Variants in MACROD2 observed in about 807,000 individuals in gnomAD.
The protein encoded by MACROD2 is ADP-ribose glycohydrolase MACROD2.
A neutral mutation model predicts 70.4 loss-of-function variants in MACROD2; 36 were observed. That is an observed-to-expected ratio of 0.51 (90% confidence interval 0.39 to 0.68). The LOEUF (loss-of-function observed/expected upper bound fraction) is 0.68, where lower values mean the gene tolerates loss of function less well. MACROD2 is among the 30% of genes least tolerant of loss of function. The pLI, the probability that MACROD2 is intolerant of heterozygous loss-of-function variation, is 0.00. For synonymous variants in MACROD2, 172 were observed against 178.8 expected (o/e 0.96, Z 0.30); for missense variants, 496 against 538.4 (o/e 0.92, Z 0.78).
chr20:14,496,154 G>A (rs902150368), intron 4 of MACROD2, among the ~76,000 whole-genome samples: 12 of 152,098 alleles, frequency 7.9e-5, no homozygotes, highest in Admixed American at 4.6e-4. Context: ...AATAAGAAGC[G>A]ATTGAATTGA....
At chr20:15,521,565 A>G (rs1323520210) in intron 8 of MACROD2, among the ~76,000 whole-genome samples, 4 of 152,242 alleles carry the variant, frequency 2.6e-5, no homozygotes, top group African/African-American at 9.6e-5. Flanking sequence ...GTGGATATTC[A>G]TAAACTGCCT....
intron 5 of MACROD2, among the ~76,000 whole-genome samples, chr20:15,160,036 T>A (rs936793441): frequency 6.6e-6 from 1 of 151,920 alleles, no homozygotes; most frequent in African/African-American, 2.4e-5. Context: ...CAGGTGCAGG[T>A]AAGAGTTATG....
At chr20:14,422,516 A>AT (rs373848071) in intron 3 of MACROD2, among the ~76,000 whole-genome samples, 1,900 of 150,470 alleles carry the variant, frequency 0.013, 32 homozygotes, top group African/African-American at 0.042. Flanking sequence ...TGTTCAATTG[A>AT]TTTTTTTTTG....
At chr20:15,361,013 T>C (rs2078345505) in intron 6 of MACROD2, among the ~76,000 whole-genome samples, 1 of 152,082 alleles carries the variant, frequency 6.6e-6, no homozygotes, top group Non-Finnish European at 1.5e-5. Context: ...GTGTGTTTTC[T>C]CCTCATCTTT....
At chr20:14,684,998 C>T in intron 5 of MACROD2, 39 bp downstream of exon 5, 2 of 1,491,260 alleles carry the variant, frequency 1.3e-6, no homozygotes, top group African/African-American at 1.4e-5. Context: ...CCAGATGAGA[C>T]ATCTTAACTT....
At chr20:14,509,146 T>A (rs193009740) in intron 4 of MACROD2, among the ~76,000 whole-genome samples, 1 of 152,098 alleles carries the variant, frequency 6.6e-6, no homozygotes, top group Non-Finnish European at 1.5e-5. Flanking sequence ...AACCATAAGC[T>A]ATTGTAGAAA....
At chr20:15,388,962 A>G (rs914788523) in intron 6 of MACROD2, among the ~76,000 whole-genome samples, 2 of 152,028 alleles carry the variant, frequency 1.3e-5, no homozygotes, top group African/African-American at 4.8e-5. Flanking sequence ...AGTGCACTTC[A>G]GAAAGGAGGA....
chr20:14,350,067 T>C (rs1038415449), intron 3 of MACROD2, among the ~76,000 whole-genome samples: 2 of 152,030 alleles, frequency 1.3e-5, no homozygotes, highest in African/African-American at 4.8e-5. Context: ...CTTTTTTATT[T>C]TGTTTGGCTG....
Position 15,711,422 on chromosome 20 carries a change from CT to C in MACROD2, c.646-151320del, listed in dbSNP as rs527248742. On this transcript the variant is annotated intron_variant, in intron 8 of 17. Transcript: ENST00000684519. ...CTTCTCAGTATATCAAGAATGATTT[CT>C]TTCCTCCACAGACTAACCAAGCCTT... 4.5e-3 allele frequency among the ~76,000 whole-genome samples: 678 copies of C among 152,332 alleles called. 5 individuals carry two copies. Among genetic ancestry groups the C allele is most frequent in the African/African-American group, 0.016 (647 of 41,568 alleles).
At chr20:14,683,567 G>A (rs2070961360) in intron 4 of MACROD2, among the ~76,000 whole-genome samples, 1 of 152,180 alleles carries the variant, frequency 6.6e-6, no homozygotes, top group African/African-American at 2.4e-5. Context: ...ATAAAGCCCA[G>A]ATAATGTTGT....
chr20:14,397,675 A>G (rs2083595048), intron 3 of MACROD2, among the ~76,000 whole-genome samples: 1 of 152,208 alleles, frequency 6.6e-6, no homozygotes, highest in Admixed American at 6.5e-5. Context: ...TCATAGATGC[A>G]TACAATGTGT....
chr20:15,794,005 A>G (rs2063650166), intron 8 of MACROD2, among the ~76,000 whole-genome samples: 1 of 150,976 alleles, frequency 6.6e-6, no homozygotes, highest in African/African-American at 2.4e-5. Flanking sequence ...CTGTAAAATA[A>G]GAATGACAAT....
intron 2 of MACROD2, among the ~76,000 whole-genome samples, chr20:14,032,493 G>C (rs2053257429): frequency 1.3e-5 from 2 of 152,086 alleles, no homozygotes; most frequent in East Asian, 1.9e-4. Flanking sequence ...ATTTGCCAGT[G>C]GGGGGTAAAG....
At position 15,921,631 on chromosome 20, in the gene MACROD2, A is replaced by G. The variant is rs1453738705; in HGVS notation, c.776-11645A>G. Among the ~76,000 whole-genome samples, 7 of 152,218 alleles carry G rather than the reference A, an allele frequency of 4.6e-5. No individual in the cohort carries two copies. The East Asian group carries it at 1.3e-3, about 29-fold the overall frequency. ...TTGTTTGTTAGAAGCCATCTTAGCC[A>G]CCTACAACCTACATTTCCCTTCGTT... On this transcript the variant is annotated intron_variant, in intron 10 of 17. Coordinates refer to ENST00000684519, the MANE Select transcript of MACROD2 (RefSeq NM_001351661.2).
intron 3 of MACROD2, among the ~76,000 whole-genome samples, chr20:14,399,311 C>T (rs1433689873): frequency 6.6e-6 from 1 of 152,048 alleles, no homozygotes; most frequent in Non-Finnish European, 1.5e-5. Flanking sequence ...CTGAATGAGT[C>T]TTTATTTTAT....
At chr20:15,995,909 C>T (rs567253610) in intron 15 of MACROD2, among the ~76,000 whole-genome samples, 1 of 151,126 alleles carries the variant, frequency 6.6e-6, no homozygotes, top group East Asian at 2.0e-4. Flanking sequence ...TCTATTTATG[C>T]ATCTATGGGC....
At chr20:14,451,562 C>A (rs1456458986) in intron 3 of MACROD2, among the ~76,000 whole-genome samples, 1 of 152,168 alleles carries the variant, frequency 6.6e-6, no homozygotes. Flanking sequence ...GCTATCCCTT[C>A]AATGGACAGA....
intron 6 of MACROD2, among the ~76,000 whole-genome samples, chr20:15,239,183 G>GTTTTT (rs1568661199): frequency 8.4e-6 from 1 of 119,038 alleles, no homozygotes; most frequent in African/African-American, 3.4e-5. Flanking sequence ...CAAATGTTCA[G>GTTTTT]ATTTTTTTTT....
At chr20:15,211,210 C>T (rs1395654107) in intron 5 of MACROD2, among the ~76,000 whole-genome samples, 1 of 152,122 alleles carries the variant, frequency 6.6e-6, no homozygotes, top group Non-Finnish European at 1.5e-5. Flanking sequence ...TCTCTTTTGT[C>T]TCTGTTTTCC....
Sources: gnomAD v4.1 joint callset for allele counts (sites outside exome capture counted in the v4.1 genomes callset) on GRCh38, gnomAD v4.1.1 for gene constraint, MANE v1.5 for transcripts, NCBI Gene and HGNC (gene_info 2026-07-23, HGNC 2026-07-21) for gene names.